The following RIC3 variants were observed in gnomAD, a reference collection of about 807,000 sequenced individuals.
RIC3 encodes protein RIC-3.
Under a neutral mutation model 27.3 loss-of-function variants are expected in RIC3, and 28 were observed. The observed-to-expected ratio is 1.02, with a 90% CI of 0.76 to 1.41. RIC3 has a LOEUF of 1.41. Among genes scored for constraint, RIC3 ranks in the 40% most tolerant of loss-of-function variants. The pLI is 0.00. For missense variants in RIC3, 501 were observed against 444.7 expected, an observed-to-expected ratio of 1.13 and a Z score of -1.14; for synonymous variants, 184 against 160.4, an observed-to-expected ratio of 1.15 and a Z score of -1.11.
the RIC3 span, chr11:8,100,951 C>A: frequency 6.2e-6 from 10 of 1,614,178 alleles, no homozygotes; most frequent in Admixed American, 1.7e-5. Context: ...ATGGGCGCGT[C>A]ACACAGGCCT....
chr11:8,147,292 G>A (rs1949789091), intron 1 of RIC3, among the ~76,000 whole-genome samples: 4 of 152,138 alleles, frequency 2.6e-5, no homozygotes, highest in Admixed American at 2.6e-4. Flanking sequence ...GGCACATGTC[G>A]TCAGGACTTC....
downstream of RIC3, chr11:8,102,534 G>C (rs1164773022): frequency 3.9e-5 from 6 of 152,238 alleles, no homozygotes; most frequent in East Asian, 1.2e-3. Flanking sequence ...ACACAGCTAG[G>C]CATGCCTGGG....
At chr11:8,122,661 T>C (rs1946581639) in intron 5 of RIC3, among the ~76,000 whole-genome samples, 1 of 152,066 alleles carries the variant, frequency 6.6e-6, no homozygotes, top group Non-Finnish European at 1.5e-5. Context: ...TATAAGCATA[T>C]AACTAAATAA....
At chr11:8,097,405 G>T in the RIC3 span, 1 of 1,614,078 alleles carries the variant, frequency 6.2e-7, no homozygotes. Context: ...TCTGCACCTG[G>T]ACCGTGAGGA....
chr11:8,118,853 G>A lies in RIC3; in HGVS notation c.671-7716C>T, dbSNP rs1042854341. ...ACCATTGCACTCTAGCCTGGGAGAC[G>A]GAGTGAGACTCCATCTCAAAAAAAA... On this transcript the variant is annotated intron_variant, in intron 5 of 5. Transcript: ENST00000309737. Among the ~76,000 whole-genome samples, 15 of 149,588 alleles carry A rather than the reference G, an allele frequency of 1.0e-4. 1 individual carries two copies. Among genetic ancestry groups the A allele is most frequent in the African/African-American group, 2.9e-4 (12 of 41,268 alleles).
At chr11:8,127,933 A>C (rs1441295401) in intron 4 of RIC3, among the ~76,000 whole-genome samples, 1 of 152,268 alleles carries the variant, frequency 6.6e-6, no homozygotes, top group Non-Finnish European at 1.5e-5. Context: ...TAACTGAGGA[A>C]AATGAACATT....
intron 3 of RIC3, 107 bp from the exon 4 acceptor site, chr11:8,137,578 T>C: frequency 2.9e-6 from 2 of 701,742 alleles, no homozygotes; most frequent in Non-Finnish European, 2.3e-6. Context: ...TTCCCATTAC[T>C]ATCTCATTGA....
At chr11:8,117,463 A>G (rs746770828) in intron 5 of RIC3, among the ~76,000 whole-genome samples, 4 of 152,216 alleles carry the variant, frequency 2.6e-5, no homozygotes, top group East Asian at 3.8e-4. Context: ...AGAAAGACAG[A>G]TACAGCGTGA....
At chr11:8,101,679 T>C, downstream of RIC3, 1 of 1,591,656 alleles carries the variant, frequency 6.3e-7, no homozygotes, top group Non-Finnish European at 8.6e-7. Flanking sequence ...TGCCTGCCTG[T>C]GGAGACAGCC....
At chr11:8,135,008 T>C (rs193287507) in intron 4 of RIC3, among the ~76,000 whole-genome samples, 21 of 152,336 alleles carry the variant, frequency 1.4e-4, no homozygotes, top group African/African-American at 4.8e-4. Flanking sequence ...TAGATCCCAT[T>C]TGTCAATTTT....
At chr11:8,166,949 G>A (rs1371604358) in intron 1 of RIC3, among the ~76,000 whole-genome samples, 1 of 151,910 alleles carries the variant, frequency 6.6e-6, no homozygotes, top group Non-Finnish European at 1.5e-5. Flanking sequence ...GAGGGAGGAA[G>A]GAGAGAGAAA....
chr11:8,158,146 A>G (rs1950838112), intron 1 of RIC3, among the ~76,000 whole-genome samples: 1 of 152,220 alleles, frequency 6.6e-6, no homozygotes. Flanking sequence ...TCATACATGT[A>G]TATGTGTATA....
intron 4 of RIC3, among the ~76,000 whole-genome samples, chr11:8,133,515 TGGGAAGA>T (rs1947990176): frequency 1.3e-5 from 2 of 152,212 alleles, no homozygotes; most frequent in Non-Finnish European, 2.9e-5. Flanking sequence ...CTTTCTTCAG[TGGGAAGA>T]GTTGCTCCCC....
At chr11:8,159,791 T>G (rs10769877) in intron 1 of RIC3, among the ~76,000 whole-genome samples, 152,286 of 152,286 alleles carry the variant, frequency 1, 76,143 homozygotes, top group Non-Finnish European at 1. Flanking sequence ...AAGGGTTCGA[T>G]ACCAGCCTGG....
downstream of RIC3, chr11:8,101,459 T>C (rs751826346): frequency 5.8e-6 from 6 of 1,028,688 alleles, no homozygotes; most frequent in Non-Finnish European, 7.8e-6. Context: ...TGTCCTTTTC[T>C]CTGTCTGTGC....
rs1265452096 is a variant in RIC3, at chr11:8,110,655, T to A, written c.*43A>T. On this transcript the variant is annotated 3_prime_UTR_variant, in exon 6 of 6. Coordinates refer to ENST00000309737, the MANE Select transcript of RIC3 (RefSeq NM_001206671.4). ...AGAAGGAAATCTGAGGAGAGAGAGG[T>A]CACCTTGGGACTTGAGTAATGGATA... The A allele has an allele frequency of 1.3e-6, 2 of 1,558,762 alleles. No individual in the cohort carries two copies. The highest frequency in any genetic ancestry group is 3.3e-5 in the Admixed American group (2 of 59,942).
At chr11:8,115,995 T>C (rs1945824952) in intron 5 of RIC3, among the ~76,000 whole-genome samples, 1 of 152,100 alleles carries the variant, frequency 6.6e-6, no homozygotes, top group Non-Finnish European at 1.5e-5. Flanking sequence ...GATTCCCAAA[T>C]CTACTACAAA....
At position 8,126,700 on chromosome 11, in the gene RIC3, T is replaced by C. The variant is rs776076842; in HGVS notation, c.629A>G (p.Glu210Gly). 5.0e-6 allele frequency: 8 copies of C among 1,614,182 alleles called. No homozygotes were observed. In the South Asian group the frequency reaches 8.8e-5, roughly 18 times the overall value. ...EGKFIDRFSP[E>G]KEAEEAPYME... ...GTAAGGGGCCTCCTCAGCTTCTTTC[T>C]CTGGAGAAAATCTGTCAATGAATTT... is the stretch of plus-strand genomic sequence containing the variant. The change falls in exon 5 of 6, where the codon GAG (glutamate) becomes GGG (glycine). Residue 210 changes from glutamate (E) to glycine (G), a missense_variant. Glu to Gly is a moderately conservative substitution (Grantham distance 98). Coordinates refer to ENST00000309737, the MANE Select transcript of RIC3 (RefSeq NM_001206671.4).
chr11:8,096,460 C>T, the RIC3 span, among the ~76,000 whole-genome samples: 1 of 152,096 alleles, frequency 6.6e-6, no homozygotes, highest in Non-Finnish European at 1.5e-5. Context: ...GTGGCCAGCC[C>T]CGGCTCATGT....
Sources: allele counts gnomAD v4.1 joint callset (sites outside exome capture counted in the v4.1 genomes callset), GRCh38; gene constraint gnomAD v4.1.1; transcripts MANE v1.5; gene names NCBI Gene and HGNC (gene_info 2026-07-23, HGNC 2026-07-21).